The following ATP5IF1 variants were observed in gnomAD, a reference collection of about 807,000 sequenced individuals.
ATP5IF1 encodes ATP synthase inhibitory factor subunit 1.
A neutral mutation model predicts 8.5 loss-of-function variants in ATP5IF1; 12 were observed. The observed-to-expected ratio is 1.41, with a 90% confidence interval of 0.90 to 2.28. The LOEUF (loss-of-function observed/expected upper bound fraction) is 2.28, where lower values mean the gene tolerates loss of function less well. ATP5IF1 is among the 30% of genes most tolerant of loss of function. The probability of loss-of-function intolerance (pLI) is 0.00; values close to 1 mark genes in which losing one functional copy is unlikely to be tolerated. For missense variants in ATP5IF1, 154 were observed against 140.2 expected (o/e 1.10, Z -0.50); for synonymous variants, 51 against 53.4 (o/e 0.96, Z 0.19).
rs751431301 is a variant in ATP5IF1 at position 28,237,899 on chromosome 1, A to G, written c.242A>G (p.His81Arg). The G allele has an allele frequency of 5.0e-6, 8 of 1,614,100 alleles. No homozygotes were observed. Among genetic ancestry groups the G allele is most frequent in the Middle Eastern group, 1.6e-4 (1 of 6,084 alleles). ...KKHHEEEIVH[H>R]KKEIERLQKE... ...CACCATGAAGAAGAAATCGTTCATC[A>G]TAAGAAGGAGATTGAGCGTCTGCAG... Residue 81 changes from histidine to arginine, a missense_variant, in exon 3 of 3, where the codon CAT (histidine) becomes CGT (arginine). Physicochemically the swap from His to Arg is conservative, Grantham distance 29. Coordinates refer to ENST00000335514, the MANE Select transcript of ATP5IF1 (RefSeq NM_016311.5).
intron 2 of ATP5IF1, 133 bp from the exon 3 acceptor site, chr1:28,237,704 T>C: frequency 6.2e-7 from 1 of 1,606,544 alleles, no homozygotes; most frequent in Non-Finnish European, 8.5e-7. Context: ...AGTTGAGGAG[T>C]AGAAGAGGAT....
chr1:28,236,420 G>A lies in ATP5IF1; in HGVS notation c.147G>A (p.Lys49=), dbSNP rs1647036673. 4 of 1,614,066 alleles carry A rather than the reference G, an allele frequency of 2.5e-6. No individual in the cohort carries two copies. Among genetic ancestry groups the A allele is most frequent in the Admixed American group, 1.7e-5 (1 of 60,006 alleles). Residue 49 remains lysine (K), a synonymous_variant, in exon 2 of 3, where the codon AAG becomes AAA. Coordinates refer to ENST00000335514, the MANE Select transcript of ATP5IF1 (RefSeq NM_016311.5). The stretch of plus-strand genomic sequence containing the variant: ...GGGAAGCCGGTGGGGCCTTCGGAAA[G>A]AGAGAGCAGGCTGAAGAGGAACGAT... ...SIREAGGAFG[K]REQAEEERYF...
chr1:28,236,923 T>C (rs1647042512), intron 2 of ATP5IF1: 1 of 1,083,754 alleles, frequency 9.2e-7, no homozygotes. Context: ...CATTCAGGCT[T>C]CTCAGGTGTT....
chr1:28,237,770 G>T, intron 2 of ATP5IF1, 67 bp from the exon 3 acceptor site: 1 of 1,614,112 alleles, frequency 6.2e-7, no homozygotes, highest in Non-Finnish European at 8.5e-7. Context: ...GACATTACAG[G>T]TTATGCTTTG....
intron 2 of ATP5IF1, 92 bp downstream of exon 2, chr1:28,236,544 T>C: frequency 6.3e-7 from 1 of 1,580,324 alleles, no homozygotes; most frequent in Non-Finnish European, 8.6e-7. Flanking sequence ...TCCTACCTGG[T>C]GCCTTGGGCG....
chr1:28,236,146 G>T lies in ATP5IF1; in HGVS notation c.-38G>T, dbSNP rs770197777. ...ATTAGCGCGTAACGAGAGACTGCTT[G>T]CTGCGGCAGAGACGCCAGAGGTGCA... On this transcript the variant is annotated 5_prime_UTR_variant, in exon 1 of 3. Coordinates refer to ENST00000335514, the MANE Select transcript of ATP5IF1 (RefSeq NM_016311.5). The T allele has an allele frequency of 4.4e-6, 7 of 1,607,380 alleles. No homozygotes were observed. The highest frequency in any genetic ancestry group is 2.2e-5 in the South Asian group (2 of 90,994).
Position 28,237,910 on chromosome 1 carries a change from A to G in ATP5IF1, c.253A>G (p.Ile85Val), listed in dbSNP as rs755576959. ...AGAAATCGTTCATCATAAGAAGGAGATTGAGCGTCTGCAGAAAGAAATTGA... is the reference window on the plus strand; with the variant it reads ...AGAAATCGTTCATCATAAGAAGGAGGTTGAGCGTCTGCAGAAAGAAATTGA... ...EEEIVHHKKE[I>V]ERLQKEIERH... Residue 85 changes from isoleucine to valine, a missense_variant, in exon 3 of 3, where the codon ATT (isoleucine) becomes GTT (valine). Ile to Val is a conservative substitution (Grantham distance 29, BLOSUM62 3). Transcript: ENST00000335514. The G allele has an allele frequency of 6.2e-7, 1 of 1,614,150 alleles. No individual in the cohort carries two copies. The highest frequency in any genetic ancestry group is 1.1e-5 in the South Asian group (1 of 91,080).
In ATP5IF1 at chr1:28,236,263, C is replaced by T. The variant is rs1647033790; in HGVS notation, c.80C>T (p.Ser27Leu). Residue 27 changes from serine to leucine, a missense_variant, in exon 1 of 3, where the codon TCG (serine) becomes TTG (leucine). By Grantham distance (145) the Ser-to-Leu change is moderately radical. Coordinates refer to ENST00000335514, the MANE Select transcript of ATP5IF1 (RefSeq NM_016311.5). ...VRTMQARGFG[S>L]DQSENVDRGA... ...ACCATGCAAGCCCGAGGCTTCGGCT[C>T]GGATCAGGTACGCTGCGGCAGTGTC... 8 of 1,613,986 alleles carry T rather than the reference C, an allele frequency of 5.0e-6. No individual in the cohort carries two copies. The highest frequency in any genetic ancestry group is 5.9e-6 in the Non-Finnish European group (7 of 1,180,034).
chr1:28,237,606 C>G (rs939416924), intron 2 of ATP5IF1: 15 of 1,458,650 alleles, frequency 1.0e-5, no homozygotes, highest in African/African-American at 1.4e-5. Flanking sequence ...CTGGAGTTTT[C>G]TATTTTAAAG....
At position 28,238,084 on chromosome 1, in the gene ATP5IF1, A is replaced by C; in HGVS notation, c.*106A>C. The stretch of plus-strand genomic sequence containing the variant: ...CTGTGTGCTACTAACAGATTATAAT[A>C]AATTGTCATCAGTGAACTGTGTTTG... On this transcript the variant is annotated 3_prime_UTR_variant, in exon 3 of 3. Coordinates refer to ENST00000335514, the MANE Select transcript of ATP5IF1 (RefSeq NM_016311.5). 8.4e-7 allele frequency: 1 copy of C among 1,185,150 alleles called. No individual in the cohort carries two copies. The highest frequency in any genetic ancestry group is 1.2e-6 in the Non-Finnish European group (1 of 853,280). The allele number at this position is 1,185,150 out of a possible 1,614,324, so 73.4% of individuals were successfully genotyped here. A position where few individuals can be genotyped will look rare whatever the true frequency, so the allele number is the denominator to read the frequency against.
At chr1:28,237,632 A>G (rs745395666) in intron 2 of ATP5IF1, 27 of 1,487,452 alleles carry the variant, frequency 1.8e-5, no homozygotes, top group Non-Finnish European at 2.4e-5. Context: ...TCTGAAAGCA[A>G]TAAGCTCTTT....
At chr1:28,237,279 C>T in intron 2 of ATP5IF1, 1 of 998,240 alleles carries the variant, frequency 1.0e-6, no homozygotes, top group Non-Finnish European at 1.2e-6. Context: ...TAATTGAGCC[C>T]CTACATTTTG....
At chr1:28,236,630 T>C (rs1647039271) in intron 2 of ATP5IF1, 178 bp downstream of exon 2, 1 of 1,516,948 alleles carries the variant, frequency 6.6e-7, no homozygotes, top group Non-Finnish European at 8.8e-7. Flanking sequence ...TTGCCACGTA[T>C]AGGGCACTCC....
intron 2 of ATP5IF1, chr1:28,237,109 G>C (rs1647043920): frequency 1.0e-6 from 1 of 993,424 alleles, no homozygotes; most frequent in African/African-American, 1.7e-5. Flanking sequence ...CCAGCCTTGA[G>C]TTATCTTTAA....
At position 28,236,450 on chromosome 1, in the gene ATP5IF1, C is replaced by T. The variant is rs137941207; in HGVS notation, c.177C>T (p.Phe59=). 2.0e-5 allele frequency: 32 copies of T among 1,614,088 alleles called. No individual in the cohort carries two copies. In the African/African-American group the frequency reaches 3.9e-4, roughly 20 times the overall value. ...KREQAEEERY[F]RAQSREQLAA... ...AGCAGGCTGAAGAGGAACGATATTT[C>T]CGGTGAGGCTCACCGGGTCCCAAGT... Residue 59 remains phenylalanine, a splice_region_variant and synonymous_variant, in exon 2 of 3, where the codon TTC becomes TTT. Transcript: ENST00000335514.
rs533689697 is a variant in ATP5IF1 at position 28,237,801 on chromosome 1, A to G, written c.180-36A>G. ...CTTTGAGATCTCTTTGGGGTGAAGGATTGAAATTAAACCCTGAGCCACCGT... is the reference window on the plus strand; with the variant it reads ...CTTTGAGATCTCTTTGGGGTGAAGGGTTGAAATTAAACCCTGAGCCACCGT... On this transcript the variant is annotated intron_variant, in intron 2 of 2. Transcript: ENST00000335514. 3 of 1,614,172 alleles carry G rather than the reference A, an allele frequency of 1.9e-6. No individual in the cohort carries two copies. The African/African-American group carries it at 4.0e-5, about 22-fold the overall frequency.
chr1:28,237,226 C>T, intron 2 of ATP5IF1: 1 of 992,330 alleles, frequency 1.0e-6, no homozygotes, highest in Non-Finnish European at 1.2e-6. Context: ...ATGACACCTG[C>T]CATACCGTAT....
intron 2 of ATP5IF1, chr1:28,237,258 TAG>T (rs1357119701): frequency 2.0e-6 from 2 of 996,686 alleles, no homozygotes; most frequent in Admixed American, 5.6e-5. Flanking sequence ...GTACAGCCGT[TAG>T]AGACTATCTA....
chr1:28,236,838 C>T (rs976326721), intron 2 of ATP5IF1: 3 of 1,176,130 alleles, frequency 2.6e-6, no homozygotes, highest in Non-Finnish European at 3.2e-6. Context: ...CTGACTCCCT[C>T]GGCCCTTACC....
Sources: allele counts gnomAD v4.1 joint callset, GRCh38; gene constraint gnomAD v4.1.1; transcripts MANE v1.5; gene names NCBI Gene and HGNC (gene_info 2026-07-23, HGNC 2026-07-21).